RBFOX1: variants seen among roughly 807,000 people sequenced by gnomAD.
The protein encoded by RBFOX1 is RNA binding protein fox-1 homolog 1.
A neutral mutation model predicts 57.7 loss-of-function variants in RBFOX1; 8 were observed. The observed-to-expected ratio is 0.14, with a 90% CI of 0.08 to 0.25. The LOEUF (loss-of-function observed/expected upper bound fraction) is 0.25. Ranked by LOEUF, RBFOX1 falls within the 10% of genes least tolerant of loss-of-function variation. RBFOX1 has a pLI of 1.00. For synonymous variants in RBFOX1, 326 were observed against 222.4 expected, an observed-to-expected ratio of 1.47 and a Z score of -4.15; for missense variants, 611 against 548.5, an observed-to-expected ratio of 1.11 and a Z score of -1.14.
At chr16:6,456,075 G>A (rs577044232) in intron 2 of RBFOX1, among the ~76,000 whole-genome samples, 1 of 152,218 alleles carries the variant, frequency 6.6e-6, no homozygotes, top group South Asian at 2.1e-4. Flanking sequence ...TTTATATGTC[G>A]AGCTATATTG....
chr16:6,128,227 T>C (rs1437881378), intron 1 of RBFOX1, among the ~76,000 whole-genome samples: 1 of 152,244 alleles, frequency 6.6e-6, no homozygotes, highest in Non-Finnish European at 1.5e-5. Context: ...ATATATTATT[T>C]AATCAATTTC....
chr16:5,753,752 G>A (rs1164603964), intron 3 of RBFOX1, among the ~76,000 whole-genome samples: 1 of 151,986 alleles, frequency 6.6e-6, no homozygotes, highest in Non-Finnish European at 1.5e-5. Flanking sequence ...GCACAGCACT[G>A]CTCTCCCTTG....
At chr16:7,460,489 TTATA>T (rs2059385709) in intron 4 of RBFOX1, among the ~76,000 whole-genome samples, 2 of 145,922 alleles carry the variant, frequency 1.4e-5, no homozygotes, top group African/African-American at 5.0e-5. Context: ...TATGTATGCC[TTATA>T]TATAATATAT....
rs139297650 is a variant in RBFOX1 at position 6,873,344 on chromosome 16, A to G, written c.-15-178713A>G. ...GGAGGGGGAAAAAGAGTGCAAAATC[A>G]TTAGAGACATGATTATGCTTTAATT... On this transcript the variant is annotated intron_variant, in intron 3 of 15. Transcript: ENST00000550418. Among the ~76,000 whole-genome samples the G allele has an allele frequency of 9.9e-3, 1,510 of 152,314 alleles. 16 individuals carry two copies. The highest frequency in any genetic ancestry group is 0.017 in the Non-Finnish European group (1,124 of 68,022).
intron 4 of RBFOX1, among the ~76,000 whole-genome samples, chr16:7,219,973 C>A (rs1022526726): frequency 6.6e-6 from 1 of 152,180 alleles, no homozygotes; most frequent in African/African-American, 2.4e-5. Context: ...CCAATTGAAT[C>A]TGAGTTCAGT....
chr16:7,514,655 G>A (rs1278439160), intron 4 of RBFOX1, among the ~76,000 whole-genome samples: 1 of 152,124 alleles, frequency 6.6e-6, no homozygotes, highest in African/African-American at 2.4e-5. Flanking sequence ...AGTTGGGCAA[G>A]GGGGTAGGTG....
At chr16:5,607,157 C>G (rs1372237384) in intron 3 of RBFOX1, among the ~76,000 whole-genome samples, 3 of 152,186 alleles carry the variant, frequency 2.0e-5, no homozygotes, top group African/African-American at 7.2e-5. Flanking sequence ...CCTGGGCACG[C>G]TCTACTTCTC....
chr16:5,319,451 C>T (rs1851822039), intron 1 of RBFOX1, among the ~76,000 whole-genome samples: 1 of 152,286 alleles, frequency 6.6e-6, no homozygotes, highest in South Asian at 2.1e-4. Context: ...CAGCCATAGC[C>T]ACTCCAGGGC....
chr16:7,217,395 C>T (rs2092286835), intron 4 of RBFOX1, among the ~76,000 whole-genome samples: 1 of 142,042 alleles, frequency 7.0e-6, no homozygotes, highest in Admixed American at 7.5e-5. Flanking sequence ...TCCCAAAGTG[C>T]TGGGATTACA....
At chr16:5,619,617 G>A (rs748357581) in intron 3 of RBFOX1, among the ~76,000 whole-genome samples, 5 of 152,200 alleles carry the variant, frequency 3.3e-5, no homozygotes, top group Admixed American at 1.3e-4. Flanking sequence ...GGCAGGGAGA[G>A]TTGCTTTCCT....
intron 1 of RBFOX1, among the ~76,000 whole-genome samples, chr16:6,268,870 G>A (rs984021822): frequency 2.0e-5 from 3 of 152,138 alleles, no homozygotes; most frequent in African/African-American, 4.8e-5. Flanking sequence ...CAGTCTTCCC[G>A]CAGTATCAGT....
intron 3 of RBFOX1, among the ~76,000 whole-genome samples, chr16:6,709,209 A>C (rs1276390664): frequency 6.6e-6 from 1 of 152,206 alleles, no homozygotes; most frequent in Non-Finnish European, 1.5e-5. Flanking sequence ...AAAAGGTTGC[A>C]CAAGTATAAA....
chr16:7,016,182 G>C (rs2093902534), intron 3 of RBFOX1, among the ~76,000 whole-genome samples: 1 of 152,098 alleles, frequency 6.6e-6, no homozygotes, highest in South Asian at 2.1e-4. Context: ...CGGTGAATTT[G>C]AAGTCCTTTG....
intron 4 of RBFOX1, among the ~76,000 whole-genome samples, chr16:5,874,240 T>C (rs934974262): frequency 1.3e-5 from 2 of 152,128 alleles, no homozygotes; most frequent in Admixed American, 6.5e-5. Flanking sequence ...AGCCCAGCTG[T>C]TCAAAGCAGC....
intron 3 of RBFOX1, among the ~76,000 whole-genome samples, chr16:7,013,772 C>T (rs927009024): frequency 6.6e-6 from 1 of 152,060 alleles, no homozygotes; most frequent in African/African-American, 2.4e-5. Flanking sequence ...ATCCTCTTAT[C>T]TTAGCCTCCC....
chr16:7,074,380 A>T (rs961006258), intron 4 of RBFOX1, among the ~76,000 whole-genome samples: 3 of 152,202 alleles, frequency 2.0e-5, no homozygotes, highest in African/African-American at 7.2e-5. Context: ...TAAAATGATA[A>T]TAATTAAAAT....
At chr16:7,141,743 G>A (rs1285535200) in intron 4 of RBFOX1, among the ~76,000 whole-genome samples, 1 of 152,052 alleles carries the variant, frequency 6.6e-6, no homozygotes, top group Non-Finnish European at 1.5e-5. Flanking sequence ...CCACCAGTAA[G>A]TTCTAATCCA....
intron 2 of RBFOX1, among the ~76,000 whole-genome samples, chr16:6,423,757 T>C (rs1274326886): frequency 6.6e-6 from 1 of 151,926 alleles, no homozygotes; most frequent in Non-Finnish European, 1.5e-5. Context: ...AGCCGCCAGA[T>C]GAGAGTTCAG....
At chr16:5,809,559 A>G (rs925003412) in intron 3 of RBFOX1, among the ~76,000 whole-genome samples, 3 of 152,254 alleles carry the variant, frequency 2.0e-5, no homozygotes, top group Non-Finnish European at 2.9e-5. Context: ...TGCAGCCAAA[A>G]AAACACATGA....
Sources: gnomAD v4.1 joint callset for allele counts (sites outside exome capture counted in the v4.1 genomes callset) on GRCh38, gnomAD v4.1.1 for gene constraint, MANE v1.5 for transcripts, NCBI Gene and HGNC (gene_info 2026-07-23, HGNC 2026-07-21) for gene names.